Variants in XRCC1 observed in about 807,000 individuals in gnomAD.
XRCC1 encodes X-ray repair cross complementing 1, also known as DNA repair protein XRCC1.
A neutral mutation model predicts 83.3 loss-of-function variants in XRCC1; 52 were observed. The ratio of observed to expected loss-of-function variants is 0.62; its 90% CI spans 0.50 to 0.79. XRCC1 has a LOEUF of 0.79. XRCC1 is among the 30% of genes least tolerant of loss of function. XRCC1 has a pLI of 0.00. For missense variants in XRCC1, 793 were observed against 823.5 expected, an observed-to-expected ratio of 0.96 and a Z score of 0.45; for synonymous variants, 281 against 312.6, an observed-to-expected ratio of 0.90 and a Z score of 1.07.
intron 2 of XRCC1, chr19:43,574,705 T>C: frequency 3.5e-6 from 2 of 575,354 alleles, no homozygotes; most frequent in East Asian, 5.8e-5. Context: ...CACACACTGA[T>C]TCCTGTGGTC....
At chr19:43,547,574 A>C (rs1972526060) in intron 10 of XRCC1, among the ~76,000 whole-genome samples, 1 of 145,694 alleles carries the variant, frequency 6.9e-6, no homozygotes, top group South Asian at 2.3e-4. Context: ...TCCACCTCCC[A>C]GGGTTCGAGC....
chr19:43,559,206 G>A (rs750305858), intron 3 of XRCC1, among the ~76,000 whole-genome samples: 33 of 150,854 alleles, frequency 2.2e-4, no homozygotes, highest in Non-Finnish European at 3.4e-4. Context: ...GAAAAGGGCC[G>A]GGTGCGGTGG....
At chr19:43,575,353 G>A (rs1421770560) in intron 1 of XRCC1, 55 bp downstream of exon 1, 2 of 1,540,600 alleles carry the variant, frequency 1.3e-6, no homozygotes, top group Non-Finnish European at 1.8e-6. Context: ...TCTTTTAAGA[G>A]CTATCCTCAT....
At chr19:43,549,130 C>G (rs546049393) in intron 10 of XRCC1, among the ~76,000 whole-genome samples, 11 of 152,200 alleles carry the variant, frequency 7.2e-5, no homozygotes, top group Admixed American at 7.2e-4. Context: ...AGTTCATTAA[C>G]AGTCAATAGC....
At chr19:43,571,163 G>T (rs1972803722) in intron 2 of XRCC1, among the ~76,000 whole-genome samples, 1 of 152,056 alleles carries the variant, frequency 6.6e-6, no homozygotes, top group Admixed American at 6.6e-5. Flanking sequence ...GCCTTAAGTG[G>T]TTTTTTAGGG....
At chr19:43,562,002 C>T (rs1421055728) in intron 2 of XRCC1, among the ~76,000 whole-genome samples, 3 of 151,960 alleles carry the variant, frequency 2.0e-5, no homozygotes, top group Non-Finnish European at 4.4e-5. Context: ...AAAATATAGC[C>T]GGGCATGGTG....
In XRCC1 at chr19:43,545,974, G is replaced by T; in HGVS notation, c.1482-17C>A. 6.2e-7 allele frequency: 1 copy of T among 1,613,784 alleles called. No homozygotes were observed. Among genetic ancestry groups the T allele is most frequent in the East Asian group, 2.2e-5 (1 of 44,886 alleles). On this transcript the variant is annotated splice_polypyrimidine_tract_variant and intron_variant, in intron 13 of 16. Coordinates refer to ENST00000262887, the MANE Select transcript of XRCC1 (RefSeq NM_006297.3). ...TCTGCCACCCTGGGGGTGCCAAGAG[G>T]AGTAGAGAGTGAGCATGCAGAGCAG...
chr19:43,568,152 C>T (rs966445592), intron 2 of XRCC1, among the ~76,000 whole-genome samples: 5 of 151,608 alleles, frequency 3.3e-5, no homozygotes, highest in Admixed American at 6.6e-5. Flanking sequence ...GGATTACAGG[C>T]GTGAGCCACC....
chr19:43,549,673 C>T (rs1972556218), intron 10 of XRCC1, among the ~76,000 whole-genome samples: 4 of 152,160 alleles, frequency 2.6e-5, no homozygotes, highest in Admixed American at 2.6e-4. Context: ...CCTACCACCT[C>T]AGCCTCCCAA....
chr19:43,558,181 A>G (rs570554948), intron 3 of XRCC1, among the ~76,000 whole-genome samples: 1 of 152,146 alleles, frequency 6.6e-6, no homozygotes, highest in Non-Finnish European at 1.5e-5. Flanking sequence ...CACACTGACT[A>G]GTGCAAAGTT....
At chr19:43,572,318 C>T (rs1169261547) in intron 2 of XRCC1, among the ~76,000 whole-genome samples, 2 of 152,210 alleles carry the variant, frequency 1.3e-5, no homozygotes, top group Admixed American at 1.3e-4. Context: ...GTTGACAGAG[C>T]ACTTGTGCAG....
rs764573153 is a variant in XRCC1 at position 43,574,971 on chromosome 19, T to A, written c.83A>T (p.Asp28Val). 1 of 1,614,108 alleles carries A rather than the reference T, an allele frequency of 6.2e-7. No homozygotes were observed. The highest frequency in any genetic ancestry group is 8.5e-7 in the Non-Finnish European group (1 of 1,180,008). Residue 28 changes from aspartate (D) to valine (V), a missense_variant, in exon 2 of 17, where the codon GAC becomes GTC. By Grantham distance (152) the Asp-to-Val change is radical. Transcript: ENST00000262887. ...GGCTGCCCGCCATTTTCGGTAAGTG[T>A]CTGCCTTGAGAAGATTTTCTGCACA... is the stretch of plus-strand genomic sequence containing the variant. Reference protein sequence around the residue: ...THCAENLLKADTYRKWRAAKA... With the variant: ...THCAENLLKAVTYRKWRAAKA...
chr19:43,561,232 C>T (rs1972696166), intron 2 of XRCC1, among the ~76,000 whole-genome samples: 1 of 152,214 alleles, frequency 6.6e-6, no homozygotes, highest in South Asian at 2.1e-4. Context: ...TGAATGAATG[C>T]ATACGCGCCC....
In XRCC1 at chr19:43,544,160, C is replaced by T. The variant is rs764228884; in HGVS notation, c.1696G>A (p.Val566Ile). The part of the protein sequence containing the change: ...GDERRKLIRY[V>I]TAFNGELEDY... Reference sequence around the variant, plus strand: ...GAGACTCACCCATTGAAGGCTGTGACGTATCGGATGAGTTTCCGCCGCTCG... The same window carrying T: ...GAGACTCACCCATTGAAGGCTGTGATGTATCGGATGAGTTTCCGCCGCTCG... The change falls in exon 15 of 17, where the codon GTC becomes ATC. Residue 566 changes from valine (V) to isoleucine (I), a missense_variant. Transcript: ENST00000262887. 13 of 1,609,094 alleles carry T rather than the reference C, an allele frequency of 8.1e-6. No individual in the cohort carries two copies. Among genetic ancestry groups the T allele is most frequent in the African/African-American group, 1.3e-5 (1 of 74,924 alleles).
intron 2 of XRCC1, 110 bp downstream of exon 2, chr19:43,574,800 G>A (rs769350077): frequency 3.3e-4 from 279 of 842,800 alleles, no homozygotes; most frequent in Non-Finnish European, 5.0e-4. Flanking sequence ...TAAGGAAGCT[G>A]AGGCCCAGCA....
intron 12 of XRCC1, 93 bp downstream of exon 12, chr19:43,546,502 C>G: frequency 7.0e-7 from 1 of 1,429,680 alleles, no homozygotes; most frequent in East Asian, 2.4e-5. Flanking sequence ...GGCCCCAGCC[C>G]CTCCTCCCTC....
intron 3 of XRCC1, among the ~76,000 whole-genome samples, chr19:43,557,120 A>T (rs533139829): frequency 6.1e-4 from 93 of 152,076 alleles, no homozygotes; most frequent in African/African-American, 2.2e-3. Flanking sequence ...CATCCTGGCC[A>T]ACATAGTGAA....
At chr19:43,546,566 C>G (rs2146043068) in intron 12 of XRCC1, 29 bp downstream of exon 12, 1 of 1,588,926 alleles carries the variant, frequency 6.3e-7, no homozygotes, top group African/African-American at 1.4e-5. Context: ...GGAGCCCAGG[C>G]CCCAGCCCCT....
chr19:43,562,301 T>C (rs1600055933), intron 2 of XRCC1, among the ~76,000 whole-genome samples: 1 of 152,078 alleles, frequency 6.6e-6, no homozygotes, highest in African/African-American at 2.4e-5. Context: ...CACCACTGTA[T>C]GGAAGGAGGG....
Sources: gnomAD v4.1 joint callset for allele counts (sites outside exome capture counted in the v4.1 genomes callset) on GRCh38, gnomAD v4.1.1 for gene constraint, MANE v1.5 for transcripts, NCBI Gene and HGNC (gene_info 2026-07-23, HGNC 2026-07-21) for gene names.